Variants in HTR6 observed in about 807,000 individuals in gnomAD.
The protein encoded by HTR6 is 5-hydroxytryptamine (serotonin) receptor 6, G protein-coupled.
HTR6 carries 15 observed loss-of-function variants against 17.4 expected under a neutral mutation model. That is an observed-to-expected ratio of 0.86 (90% CI 0.58 to 1.33). The LOEUF (loss-of-function observed/expected upper bound fraction) is 1.33, where lower values mean the gene tolerates loss of function less well. Ranked by LOEUF, HTR6 falls within the 40% of genes most tolerant of loss-of-function variation. The probability of loss-of-function intolerance (pLI) is 0.00; values close to 1 mark genes in which losing one functional copy is unlikely to be tolerated. For missense variants in HTR6, 578 were observed against 616.0 expected (o/e 0.94, Z 0.65); for synonymous variants, 326 against 295.5 (o/e 1.10, Z -1.06).
chr1:19,675,181 C>G (rs1018360174), intron 1 of HTR6, among the ~76,000 whole-genome samples: 3 of 152,164 alleles, frequency 2.0e-5, no homozygotes, highest in Admixed American at 6.5e-5. Context: ...ATCCCTAACT[C>G]AACTCTTAAC....
chr1:19,671,447 C>T (rs757715808), intron 1 of HTR6, among the ~76,000 whole-genome samples: 2 of 152,190 alleles, frequency 1.3e-5, no homozygotes, highest in Admixed American at 6.5e-5. Flanking sequence ...TCCTGCAGGC[C>T]GTTTTCCTGA....
intron 1 of HTR6, among the ~76,000 whole-genome samples, chr1:19,676,554 C>T (rs1415259921): frequency 6.6e-6 from 1 of 152,196 alleles, no homozygotes; most frequent in Non-Finnish European, 1.5e-5. Context: ...AGAATTCCAG[C>T]TTCTATGAAA....
intron 1 of HTR6, among the ~76,000 whole-genome samples, chr1:19,676,513 G>A (rs2095094724): frequency 6.6e-6 from 1 of 152,150 alleles, no homozygotes; most frequent in African/African-American, 2.4e-5. Flanking sequence ...TCGTCTCCCT[G>A]CCCCAGCAAC....
rs1319552043 is a variant in HTR6 at position 19,665,348 on chromosome 1, G to C, written c.-406G>C. 6.0e-6 allele frequency: 1 copy of C among 165,550 alleles called. No homozygotes were observed. The highest frequency in any genetic ancestry group is 1.7e-4 in the East Asian group (1 of 6,020). 10.3% of individuals were successfully genotyped at this position (165,550 alleles called of 1,614,324 possible). A position where few individuals can be genotyped will look rare whatever the true frequency, so the allele number is the denominator to read the frequency against. ...CCGCGTTCCCACTTCCCCGCACTCT[G>C]ACCCGGCCGGACGCCCCTCCCCTAT... On this transcript the variant is annotated 5_prime_UTR_variant, in exon 1 of 3. Transcript: ENST00000289753. The surrounding 1 kb of genome is among the most constrained non-coding windows in gnomAD (Gnocchi z 4.2).
At chr1:19,670,596 C>A (rs1354247984) in intron 1 of HTR6, among the ~76,000 whole-genome samples, 5 of 151,900 alleles carry the variant, frequency 3.3e-5, no homozygotes, top group Non-Finnish European at 7.4e-5. Context: ...TCCGGAGTAG[C>A]TGGGCTATAG....
intron 1 of HTR6, among the ~76,000 whole-genome samples, chr1:19,677,456 G>A (rs1056067146): frequency 6.6e-6 from 1 of 152,000 alleles, no homozygotes; most frequent in African/African-American, 2.4e-5. Context: ...TCCTCTTCCT[G>A]TCCACTTTTG....
rs551569410 is a variant in HTR6, at chr1:19,679,336, C to T, written c.1291C>T (p.Arg431Trp). 29 of 1,598,620 alleles carry T rather than the reference C, an allele frequency of 1.8e-5. No homozygotes were observed. Among genetic ancestry groups the T allele is most frequent in the African/African-American group, 1.5e-4 (11 of 74,728 alleles). Reference protein sequence around the residue: ...FNIDPAEPELRPHPLGIPTN With the variant: ...FNIDPAEPELWPHPLGIPTN ...CATCGACCCCGCGGAGCCCGAGCTG[C>T]GGCCGCATCCACTTGGCATCCCCAC... The change falls in exon 3 of 3, where the codon CGG (arginine) becomes TGG (tryptophan). Residue 431 changes from arginine to tryptophan, a missense_variant. By Grantham distance (101) the Arg-to-Trp change is moderately radical. Transcript: ENST00000289753. This position sits in a 1 kb window ranked among gnomAD's most constrained non-coding sequence, Gnocchi z 4.9.
intron 1 of HTR6, among the ~76,000 whole-genome samples, chr1:19,677,661 A>G (rs2095095972): frequency 6.6e-6 from 1 of 152,230 alleles, no homozygotes; most frequent in African/African-American, 2.4e-5. Flanking sequence ...TGTGAAGACA[A>G]TCCACATACA....
At chr1:19,672,413 A>AGAG (rs762598881) in intron 1 of HTR6, among the ~76,000 whole-genome samples, 58,622 of 150,866 alleles carry the variant, frequency 0.39, 13,512 homozygotes, top group Non-Finnish European at 0.52. Flanking sequence ...CCTCCTCCTC[A>AGAG]GAGGAGGAGG....
In HTR6 at chr1:19,666,740, C is replaced by T. The variant is rs1288490142; in HGVS notation, c.714+273C>T. On this transcript the variant is annotated intron_variant, in intron 1 of 2. Transcript: ENST00000289753. This position sits in a 1 kb window ranked among gnomAD's most constrained non-coding sequence, Gnocchi z 4.5. ...CTCTCCCCATCTTTGCCTCCCTGGTCTTCCCCATCATGGCAAATGGCACCA... is the reference window on the plus strand; with the variant it reads ...CTCTCCCCATCTTTGCCTCCCTGGTTTTCCCCATCATGGCAAATGGCACCA... Among the ~76,000 whole-genome samples the T allele has an allele frequency of 6.6e-6, 1 of 152,070 alleles. No individual in the cohort carries two copies. Among genetic ancestry groups the T allele is most frequent in the Non-Finnish European group, 1.5e-5 (1 of 67,998 alleles).
intron 1 of HTR6, among the ~76,000 whole-genome samples, chr1:19,677,855 TCA>T (rs1189679171): frequency 1.3e-5 from 2 of 152,220 alleles, no homozygotes; most frequent in Admixed American, 1.3e-4. Flanking sequence ...TTCTCCTGCC[TCA>T]GTCTCCTGAG....
chr1:19,665,860 T>C lies in HTR6; in HGVS notation c.107T>C (p.Val36Ala), dbSNP rs558260074. ...SGWVAAALCV[V>A]IALTAAANSL... ...TGGGTGGCGGCCGCGCTGTGCGTGG[T>C]CATCGCGCTGACGGCGGCGGCCAAC... is the stretch of plus-strand genomic sequence containing the variant. The change falls in exon 1 of 3, where the codon GTC becomes GCC. Residue 36 changes from valine (V) to alanine (A), a missense_variant. By Grantham distance (64) the Val-to-Ala change is moderately conservative. Coordinates refer to ENST00000289753, the MANE Select transcript of HTR6 (RefSeq NM_000871.3). The surrounding 1 kb of genome is among the most constrained non-coding windows in gnomAD (Gnocchi z 4.2). 3.0e-5 allele frequency: 48 copies of C among 1,595,660 alleles called. No individual in the cohort carries two copies. In the African/African-American group the frequency reaches 6.0e-4, roughly 20 times the overall value.
intron 1 of HTR6, among the ~76,000 whole-genome samples, chr1:19,676,669 G>T (rs1008560459): frequency 6.6e-6 from 1 of 152,166 alleles, no homozygotes; most frequent in African/African-American, 2.4e-5. Flanking sequence ...AGAGTGGGGT[G>T]GGGTGTTGGC....
Position 19,665,542 on chromosome 1 carries a change from A to T in HTR6, c.-212A>T, listed in dbSNP as rs936024328. 3 of 449,974 alleles carry T rather than the reference A, an allele frequency of 6.7e-6. No individual in the cohort carries two copies. Among genetic ancestry groups the T allele is most frequent in the Admixed American group, 4.3e-5 (1 of 23,204 alleles). The allele number at this position is 449,974 out of a possible 1,614,324, so 27.9% of individuals were successfully genotyped here. ...TCCTGCCCCATCCCCGAGGGCGCCC[A>T]AATAGCCACACTGTGTCCTCCTGTA... On this transcript the variant is annotated 5_prime_UTR_variant, in exon 1 of 3. Coordinates refer to ENST00000289753, the MANE Select transcript of HTR6 (RefSeq NM_000871.3). The surrounding 1 kb of genome is among the most constrained non-coding windows in gnomAD (Gnocchi z 4.2).
rs1442085299 is a variant in HTR6, at chr1:19,679,374, G to C, written c.*6G>C. The C allele has an allele frequency of 6.4e-7, 1 of 1,572,106 alleles. No homozygotes were observed. The highest frequency in any genetic ancestry group is 1.7e-5 in the Admixed American group (1 of 57,840). On this transcript the variant is annotated 3_prime_UTR_variant, in exon 3 of 3. Coordinates refer to ENST00000289753, the MANE Select transcript of HTR6 (RefSeq NM_000871.3). This position sits in a 1 kb window ranked among gnomAD's most constrained non-coding sequence, Gnocchi z 4.9. ...TTGGCATCCCCACGAACTGACCCGG[G>C]CTTGGGGCTGGCCAATGGGGAGCTG...
At chr1:19,677,068 T>A (rs959419097) in intron 1 of HTR6, among the ~76,000 whole-genome samples, 1 of 152,184 alleles carries the variant, frequency 6.6e-6, no homozygotes, top group African/African-American at 2.4e-5. Context: ...GGGCTTCACA[T>A]CCCAGCTTTC....
intron 1 of HTR6, among the ~76,000 whole-genome samples, chr1:19,669,246 G>A (rs530474212): frequency 6.6e-6 from 1 of 152,258 alleles, no homozygotes; most frequent in East Asian, 1.9e-4. Flanking sequence ...CTCGCTGGCT[G>A]GTACTAGGAT....
At chr1:19,670,123 C>T (rs993680878) in intron 1 of HTR6, among the ~76,000 whole-genome samples, 1 of 152,088 alleles carries the variant, frequency 6.6e-6, no homozygotes, top group African/African-American at 2.4e-5. Context: ...CTCTTTCAGC[C>T]ATACTGGCCT....
At position 19,674,710 on chromosome 1, in the gene HTR6, C is replaced by G. The variant is rs146624283; in HGVS notation, c.715-3857C>G. 9.8e-5 allele frequency among the ~76,000 whole-genome samples: 15 copies of G among 152,322 alleles called. No individual in the cohort carries two copies. The East Asian group carries it at 2.9e-3, about 29-fold the overall frequency. ...CGTGAGCCACTGTGCCCAGCCTAAACCACTCTTCTTTTGATGGACATTAAG... is the reference window on the plus strand; with the variant it reads ...CGTGAGCCACTGTGCCCAGCCTAAAGCACTCTTCTTTTGATGGACATTAAG... On this transcript the variant is annotated intron_variant, in intron 1 of 2. Transcript: ENST00000289753.
Sources: allele counts gnomAD v4.1 joint callset (sites outside exome capture counted in the v4.1 genomes callset), GRCh38; gene constraint gnomAD v4.1.1; non-coding constraint Gnocchi (gnomAD v3.1); transcripts MANE v1.5; gene names NCBI Gene and HGNC (gene_info 2026-07-23, HGNC 2026-07-21).